Variants in GPD2 observed in about 807,000 individuals in gnomAD.
GPD2 encodes glycerol-3-phosphate dehydrogenase, mitochondrial.
A neutral mutation model predicts 82.4 loss-of-function variants in GPD2; 54 were observed. The ratio of observed to expected loss-of-function variants is 0.66; its 90% CI spans 0.53 to 0.82. GPD2 has a LOEUF of 0.82. Among genes scored for constraint, GPD2 ranks in the 40% least tolerant of loss-of-function variants. GPD2 has a pLI of 0.00. For synonymous variants in GPD2, 288 were observed against 306.1 expected (o/e 0.94, Z 0.62); for missense variants, 748 against 896.2 (o/e 0.83, Z 2.11).
intron 8 of GPD2, among the ~76,000 whole-genome samples, chr2:156,556,076 TATC>T (rs1237665446): frequency 1.3e-5 from 2 of 152,166 alleles, no homozygotes; most frequent in African/African-American, 4.8e-5. Context: ...TATAAAATAT[TATC>T]ATTATTTTTT....
chr2:156,416,769 A>G, the GPD2 span, among the ~76,000 whole-genome samples: 112 of 152,252 alleles, frequency 7.4e-4, no homozygotes, highest in African/African-American at 2.5e-3. Flanking sequence ...ACATTCTAAT[A>G]TGGGGTGATT....
chr2:156,523,140 G>T (rs1225426734), intron 6 of GPD2, among the ~76,000 whole-genome samples: 3 of 152,102 alleles, frequency 2.0e-5, no homozygotes, highest in African/African-American at 7.2e-5. Flanking sequence ...CACTCTTGGT[G>T]TACATTCTGT....
intron 6 of GPD2, among the ~76,000 whole-genome samples, chr2:156,531,353 A>C (rs898346819): frequency 3.3e-5 from 5 of 152,196 alleles, no homozygotes; most frequent in African/African-American, 1.2e-4. Flanking sequence ...CCCTGAGGTC[A>C]GGAGAACACA....
intron 13 of GPD2, among the ~76,000 whole-genome samples, chr2:156,572,580 T>C (rs1687680111): frequency 6.6e-6 from 1 of 152,140 alleles, no homozygotes; most frequent in African/African-American, 2.4e-5. Context: ...GGGCTAGAGA[T>C]ATAAATTTGA....
chr2:156,502,104 ATGTGTG>A (rs10539711), intron 3 of GPD2, among the ~76,000 whole-genome samples: 2 of 150,576 alleles, frequency 1.3e-5, no homozygotes, highest in African/African-American at 4.9e-5. Context: ...ATATATATGC[ATGTGTG>A]TGTGTGTGTG....
chr2:156,537,926 G>T (rs192220961), intron 6 of GPD2, among the ~76,000 whole-genome samples: 2 of 152,282 alleles, frequency 1.3e-5, no homozygotes, highest in African/African-American at 4.8e-5. Context: ...CCAAACCCCC[G>T]AGGGGAAGTT....
intron 2 of GPD2, chr2:156,495,548 C>T (rs1326944504): frequency 6.9e-6 from 3 of 437,162 alleles, no homozygotes; most frequent in Non-Finnish European, 1.4e-5. Context: ...AACTTATGTA[C>T]CCCCAAACTC....
intron 2 of GPD2, among the ~76,000 whole-genome samples, chr2:156,484,824 A>G (rs548693128): frequency 3.9e-5 from 6 of 152,346 alleles, no homozygotes; most frequent in African/African-American, 1.4e-4. Flanking sequence ...TGGGCAACAC[A>G]GTGAGACTGC....
intron 1 of GPD2, among the ~76,000 whole-genome samples, chr2:156,445,226 A>G (rs1558901487): frequency 1.3e-5 from 2 of 152,236 alleles, no homozygotes; most frequent in Admixed American, 6.5e-5. Context: ...CTGTCATATC[A>G]GGGAGCAAAA....
intron 6 of GPD2, among the ~76,000 whole-genome samples, chr2:156,525,596 G>A (rs1685578032): frequency 6.6e-6 from 1 of 152,036 alleles, no homozygotes; most frequent in Admixed American, 6.6e-5. Flanking sequence ...AGTATTACAT[G>A]GTTTTTATTT....
chr2:156,426,176 G>A, the GPD2 span, among the ~76,000 whole-genome samples: 1 of 152,108 alleles, frequency 6.6e-6, no homozygotes, highest in East Asian at 1.9e-4. Context: ...GCCCGCCTTG[G>A]CCTCCCAAAG....
the GPD2 span, among the ~76,000 whole-genome samples, chr2:156,417,004 A>C: frequency 6.6e-6 from 1 of 152,142 alleles, no homozygotes; most frequent in African/African-American, 2.4e-5. Flanking sequence ...CCTTGGCTTT[A>C]CTCAGGCACT....
At chr2:156,410,073 G>A in the GPD2 span, among the ~76,000 whole-genome samples, 2 of 152,200 alleles carry the variant, frequency 1.3e-5, no homozygotes, top group Admixed American at 6.5e-5. Flanking sequence ...AAGGCTTATA[G>A]ATGATAAAAG....
chr2:156,470,571 G>C (rs1683294653), intron 1 of GPD2, among the ~76,000 whole-genome samples: 2 of 152,226 alleles, frequency 1.3e-5, no homozygotes, highest in South Asian at 4.1e-4. Flanking sequence ...AAGACAGGGA[G>C]ATGAGTAGGA....
intron 1 of GPD2, among the ~76,000 whole-genome samples, chr2:156,473,230 T>C (rs1414313439): frequency 6.6e-6 from 1 of 152,228 alleles, no homozygotes; most frequent in Admixed American, 6.5e-5. Context: ...TTGATTATAG[T>C]TGATATTATT....
intron 1 of GPD2, among the ~76,000 whole-genome samples, chr2:156,471,535 C>T (rs1683328518): frequency 6.6e-6 from 1 of 152,176 alleles, no homozygotes; most frequent in African/African-American, 2.4e-5. Flanking sequence ...TCCAGCCAAA[C>T]GAGATAACTA....
At chr2:156,482,658 G>A (rs4664821) in intron 2 of GPD2, among the ~76,000 whole-genome samples, 137,790 of 152,208 alleles carry the variant, frequency 0.91, 63,623 homozygotes, top group South Asian at 1. Flanking sequence ...AGTGATGTTC[G>A]AGCATGTTGA....
Position 156,582,944 on chromosome 2 carries a change from C to T in GPD2, c.*26C>T. ...GTCTGGGCAGTAAATCCACAGCCAA[C>T]AAACATAGAAACGACAAATCACCAT... On this transcript the variant is annotated 3_prime_UTR_variant, in exon 17 of 17. Transcript: ENST00000438166. The T allele has an allele frequency of 1.3e-6, 2 of 1,590,336 alleles. No individual in the cohort carries two copies. Among genetic ancestry groups the T allele is most frequent in the Non-Finnish European group, 1.7e-6 (2 of 1,165,266 alleles).
chr2:156,451,648 A>G (rs1194741561), intron 1 of GPD2, among the ~76,000 whole-genome samples: 1 of 134,972 alleles, frequency 7.4e-6, no homozygotes, highest in Non-Finnish European at 1.6e-5. Flanking sequence ...GCGGCTGGGC[A>G]GAGGCGCCCC....
Sources: gnomAD v4.1 joint callset for allele counts (sites outside exome capture counted in the v4.1 genomes callset) on GRCh38, gnomAD v4.1.1 for gene constraint, MANE v1.5 for transcripts, NCBI Gene and HGNC (gene_info 2026-07-23, HGNC 2026-07-21) for gene names.